Variants in HS6ST3 observed in about 807,000 individuals in gnomAD.
The protein encoded by HS6ST3 is heparan-sulfate 6-O-sulfotransferase 3.
A neutral mutation model predicts 36.7 loss-of-function variants in HS6ST3; 12 were observed. The observed-to-expected ratio is 0.33, with a 90% CI of 0.21 to 0.53. The LOEUF (loss-of-function observed/expected upper bound fraction) is 0.53. Among genes scored for constraint, HS6ST3 ranks in the 20% least tolerant of loss-of-function variants. The probability of loss-of-function intolerance (pLI) is 0.95; values close to 1 mark genes in which losing one functional copy is unlikely to be tolerated. For missense variants in HS6ST3, 584 were observed against 640.9 expected (o/e 0.91, Z 0.96); for synonymous variants, 240 against 257.5 (o/e 0.93, Z 0.65).
intron 1 of HS6ST3, among the ~76,000 whole-genome samples, chr13:96,353,075 G>A (rs1477262859): frequency 1.8e-5 from 2 of 113,866 alleles, no homozygotes; most frequent in Non-Finnish European, 3.4e-5. Context: ...TTTTTTTTGA[G>A]ACGGAGTCTT....
chr13:96,572,957 T>C (rs1435146477), intron 1 of HS6ST3, among the ~76,000 whole-genome samples: 1 of 152,192 alleles, frequency 6.6e-6, no homozygotes, highest in African/African-American at 2.4e-5. Flanking sequence ...CAGAGTATGG[T>C]GTTTGCATTT....
chr13:96,788,135 G>T (rs1028423403), intron 1 of HS6ST3, among the ~76,000 whole-genome samples: 2 of 151,772 alleles, frequency 1.3e-5, no homozygotes, highest in African/African-American at 4.8e-5. Flanking sequence ...ACATAGACTT[G>T]GTTACTATAG....
At chr13:96,695,740 A>G (rs779743165) in intron 1 of HS6ST3, among the ~76,000 whole-genome samples, 8 of 151,918 alleles carry the variant, frequency 5.3e-5, no homozygotes, top group South Asian at 2.1e-4. Flanking sequence ...CCCAGCCAGT[A>G]TGTACCCTTT....
chr13:96,322,129 A>C (rs2055006322), intron 1 of HS6ST3, among the ~76,000 whole-genome samples: 1 of 152,130 alleles, frequency 6.6e-6, no homozygotes, highest in Non-Finnish European at 1.5e-5. Context: ...CCAATCCCTC[A>C]ACCTAATTGG....
intron 1 of HS6ST3, among the ~76,000 whole-genome samples, chr13:96,262,370 T>C (rs1458383142): frequency 1.3e-5 from 2 of 152,188 alleles, no homozygotes; most frequent in African/African-American, 2.4e-5. Context: ...TGGGAAAGTC[T>C]GAAATCCCTG....
At position 96,398,761 on chromosome 13, in the gene HS6ST3, G is replaced by A. The variant is rs146598756; in HGVS notation, c.707+307192G>A. On this transcript the variant is annotated intron_variant, in intron 1 of 1. Coordinates refer to ENST00000376705, the MANE Select transcript of HS6ST3 (RefSeq NM_153456.4). ...GACTTGTTTCCAGCTGATATAAAAC[G>A]GGAAAGGACAGAAGCGCTGTCCCTC... Among the ~76,000 whole-genome samples, 59 of 152,272 alleles carry A rather than the reference G, an allele frequency of 3.9e-4. No homozygotes were observed. The East Asian group carries it at 9.6e-3, about 25-fold the overall frequency.
intron 1 of HS6ST3, among the ~76,000 whole-genome samples, chr13:96,109,778 A>G (rs1252372005): frequency 6.6e-6 from 1 of 152,194 alleles, no homozygotes; most frequent in African/African-American, 2.4e-5. Flanking sequence ...TCAGTTGTTT[A>G]TTAAGTCCTT....
intron 1 of HS6ST3, among the ~76,000 whole-genome samples, chr13:96,470,145 A>G (rs988310938): frequency 6.6e-6 from 1 of 152,168 alleles, no homozygotes. Context: ...CCTTGTTGTT[A>G]TACCTGAGAG....
At chr13:96,176,996 C>A (rs544215284) in intron 1 of HS6ST3, among the ~76,000 whole-genome samples, 2 of 152,234 alleles carry the variant, frequency 1.3e-5, no homozygotes, top group South Asian at 4.1e-4. Flanking sequence ...AAGACATACA[C>A]GCGGCCAACT....
At chr13:96,302,522 T>G (rs2054888941) in intron 1 of HS6ST3, among the ~76,000 whole-genome samples, 1 of 152,010 alleles carries the variant, frequency 6.6e-6, no homozygotes. Flanking sequence ...CAAAATTGTA[T>G]GTGTAATATG....
chr13:96,680,402 G>A (rs2056714347), intron 1 of HS6ST3, among the ~76,000 whole-genome samples: 1 of 152,166 alleles, frequency 6.6e-6, no homozygotes, highest in African/African-American at 2.4e-5. Context: ...AGACTGCTCT[G>A]AGGGAGAGTA....
intron 1 of HS6ST3, among the ~76,000 whole-genome samples, chr13:96,673,250 T>A (rs207474289): frequency 6.6e-6 from 1 of 152,174 alleles, no homozygotes; most frequent in Non-Finnish European, 1.5e-5. Flanking sequence ...AGGGTCCGCC[T>A]GATAATCCAG....
At chr13:96,396,287 C>T (rs1448313658) in intron 1 of HS6ST3, among the ~76,000 whole-genome samples, 1 of 152,048 alleles carries the variant, frequency 6.6e-6, no homozygotes, top group Non-Finnish European at 1.5e-5. Flanking sequence ...ACACTCTAGC[C>T]TGGGTGCCAG....
chr13:96,332,132 C>T (rs1416915183), intron 1 of HS6ST3, among the ~76,000 whole-genome samples: 1 of 152,216 alleles, frequency 6.6e-6, no homozygotes, highest in Admixed American at 6.5e-5. Flanking sequence ...ATGCAGAAAT[C>T]ACCTGTCTTC....
chr13:96,127,603 A>G (rs1170697366), intron 1 of HS6ST3, among the ~76,000 whole-genome samples: 2 of 152,088 alleles, frequency 1.3e-5, no homozygotes, highest in African/African-American at 4.8e-5. Context: ...TTCTGGTTGG[A>G]GCCGTCTGTT....
At chr13:96,572,063 T>C (rs560996825) in intron 1 of HS6ST3, among the ~76,000 whole-genome samples, 22 of 152,200 alleles carry the variant, frequency 1.4e-4, no homozygotes, top group Non-Finnish European at 3.1e-4. Context: ...GAAAGCCTTG[T>C]AGAGGAGTGG....
At chr13:96,399,269 C>T (rs554073073) in intron 1 of HS6ST3, among the ~76,000 whole-genome samples, 38 of 152,246 alleles carry the variant, frequency 2.5e-4, no homozygotes, top group Middle Eastern at 3.4e-3. Flanking sequence ...AAGTGCTATT[C>T]ATAGTTTTTA....
chr13:96,311,904 C>G (rs924088079), intron 1 of HS6ST3, among the ~76,000 whole-genome samples: 3 of 152,014 alleles, frequency 2.0e-5, no homozygotes, highest in African/African-American at 7.3e-5. Context: ...GTTTAAGCCT[C>G]TAAATAAATC....
At chr13:96,454,303 A>C (rs1228626398) in intron 1 of HS6ST3, among the ~76,000 whole-genome samples, 1 of 152,078 alleles carries the variant, frequency 6.6e-6, no homozygotes, top group Non-Finnish European at 1.5e-5. Context: ...GGGGAGTAGG[A>C]TTTGAGACCT....
Sources: gnomAD v4.1 joint callset for allele counts (sites outside exome capture counted in the v4.1 genomes callset) on GRCh38, gnomAD v4.1.1 for gene constraint, MANE v1.5 for transcripts, NCBI Gene and HGNC (gene_info 2026-07-23, HGNC 2026-07-21) for gene names.